Variants in ANXA9 observed in about 807,000 individuals in gnomAD.
The protein encoded by ANXA9 is annexin A9, also known as annexin 31.
Under a neutral mutation model 51.8 loss-of-function variants are expected in ANXA9, and 47 were observed. That is an observed-to-expected ratio of 0.91 (90% CI 0.72 to 1.16). The LOEUF is 1.16. Among genes scored for constraint, ANXA9 ranks in the 50% most tolerant of loss-of-function variants. The probability of loss-of-function intolerance (pLI) is 0.00; values close to 1 mark genes in which losing one functional copy is unlikely to be tolerated. For synonymous variants in ANXA9, 154 were observed against 168.7 expected (o/e 0.91, Z 0.68); for missense variants, 361 against 424.7 (o/e 0.85, Z 1.32).
chr1:150,980,264 C>T (rs1671391666), upstream of ANXA9, among the ~76,000 whole-genome samples: 1 of 151,930 alleles, frequency 6.6e-6, no homozygotes, highest in East Asian at 1.9e-4. Context: ...GGCATGATGG[C>T]AGGCGCCTAT....
chr1:150,980,738 C>T (rs919448979), upstream of ANXA9, among the ~76,000 whole-genome samples: 2 of 151,726 alleles, frequency 1.3e-5, no homozygotes, highest in African/African-American at 4.8e-5. Flanking sequence ...CGCCGCCATG[C>T]CCGGCTAATT....
intron 12 of ANXA9, among the ~76,000 whole-genome samples, chr1:150,989,623 G>A (rs977604394): frequency 6.6e-6 from 1 of 151,984 alleles, no homozygotes; most frequent in Non-Finnish European, 1.5e-5. Flanking sequence ...CCTGGGAGGC[G>A]GAGGTTGTAG....
In ANXA9 at chr1:150,984,014, G is replaced by A. The variant is rs368497566; in HGVS notation, c.212G>A (p.Arg71Gln). Reference sequence around the variant, plus strand: ...GCCATTGTGGACGTGCTGACCAACCGGAGCAGAGAGCAAAGGCAGCTCATC... The same window carrying A: ...GCCATTGTGGACGTGCTGACCAACCAGAGCAGAGAGCAAAGGCAGCTCATC... ...RSAIVDVLTNRSREQRQLISR... is the reference protein window; with the variant it reads ...RSAIVDVLTNQSREQRQLISR... Residue 71 changes from arginine (R) to glutamine (Q), a missense_variant, in exon 5 of 14, where the codon CGG becomes CAG. By Grantham distance (43) the Arg-to-Gln change is conservative (BLOSUM62 1). Transcript: ENST00000368947. 4.7e-5 allele frequency: 75 copies of A among 1,612,290 alleles called. No homozygotes were observed. The highest frequency in any genetic ancestry group is 6.7e-5 in the African/African-American group (5 of 74,784).
chr1:150,987,460 G>A (rs1035566753), intron 9 of ANXA9, among the ~76,000 whole-genome samples: 2 of 151,634 alleles, frequency 1.3e-5, no homozygotes, highest in African/African-American at 4.9e-5. Context: ...GGTCGTGGTG[G>A]CTCACACCTA....
At chr1:150,986,280 G>T (rs914211525) in intron 7 of ANXA9, 56 bp from the exon 8 acceptor site, 1 of 1,532,438 alleles carries the variant, frequency 6.5e-7, no homozygotes, top group African/African-American at 1.4e-5. Flanking sequence ...AGGTCCTGGG[G>T]ATATCTACAC....
chr1:150,985,520 C>T (rs1671533351), intron 7 of ANXA9, among the ~76,000 whole-genome samples: 1 of 151,958 alleles, frequency 6.6e-6, no homozygotes, highest in Non-Finnish European at 1.5e-5. Flanking sequence ...TCCCCCCACC[C>T]CTACCTCTTT....
At chr1:150,992,328 T>C (rs1054626692) in intron 12 of ANXA9, among the ~76,000 whole-genome samples, 1 of 152,074 alleles carries the variant, frequency 6.6e-6, no homozygotes, top group African/African-American at 2.4e-5. Context: ...GGCAGGTGAA[T>C]CACCCGAGGT....
Position 150,984,001 on chromosome 1 carries a change from G to C in ANXA9, c.199G>C (p.Val67Leu). ...CGTGGACCGCAGTGCCATTGTGGAC[G>C]TGCTGACCAACCGGAGCAGAGAGCA... Reference protein sequence around the residue: ...QGVDRSAIVDVLTNRSREQRQ... With the variant: ...QGVDRSAIVDLLTNRSREQRQ... Residue 67 changes from valine to leucine, a missense_variant, in exon 5 of 14, where the codon GTG becomes CTG. By Grantham distance (32) the Val-to-Leu change is conservative. Coordinates refer to ENST00000368947, the MANE Select transcript of ANXA9 (RefSeq NM_003568.3). The C allele has an allele frequency of 6.2e-7, 1 of 1,612,792 alleles. No individual in the cohort carries two copies. The highest frequency in any genetic ancestry group is 8.5e-7 in the Non-Finnish European group (1 of 1,179,674).
chr1:150,985,285 A>T (rs1472385352), intron 7 of ANXA9, among the ~76,000 whole-genome samples: 1 of 152,072 alleles, frequency 6.6e-6, no homozygotes, highest in Non-Finnish European at 1.5e-5. Context: ...TTCCAAAGTG[A>T]CAGTCCCAAA....
At chr1:150,986,540 G>T in intron 8 of ANXA9, 62 bp from the exon 9 acceptor site, 1 of 1,592,960 alleles carries the variant, frequency 6.3e-7, no homozygotes, top group Non-Finnish European at 8.6e-7. Flanking sequence ...GCCTTCGCTT[G>T]TTGGTCTGAA....
chr1:150,993,656 C>T (rs184139000), intron 12 of ANXA9, among the ~76,000 whole-genome samples: 2,419 of 108,502 alleles, frequency 0.022, 75 homozygotes, highest in African/African-American at 0.073. Flanking sequence ...TTTTTTGAGA[C>T]GGAGTTTTGC....
intron 13 of ANXA9, 33 bp downstream of exon 13, chr1:150,994,732 C>G: frequency 6.2e-7 from 1 of 1,611,156 alleles, no homozygotes; most frequent in Middle Eastern, 1.7e-4. Flanking sequence ...CCTGGAGCCT[C>G]AGGCCTTCAC....
chr1:150,977,826 GA>G (rs1374419205), upstream of ANXA9, among the ~76,000 whole-genome samples: 2 of 152,216 alleles, frequency 1.3e-5, no homozygotes, highest in African/African-American at 4.8e-5. Context: ...TCAGGCAATG[GA>G]AAGTATTTGC....
upstream of ANXA9, among the ~76,000 whole-genome samples, chr1:150,981,790 C>T (rs1450947745): frequency 6.6e-6 from 1 of 152,234 alleles, no homozygotes; most frequent in African/African-American, 2.4e-5. Flanking sequence ...GGTCAGCTGG[C>T]TCTAGTAAGG....
At chr1:150,989,018 G>T (rs1671636161) in intron 12 of ANXA9, among the ~76,000 whole-genome samples, 1 of 151,072 alleles carries the variant, frequency 6.6e-6, no homozygotes, top group Non-Finnish European at 1.5e-5. Flanking sequence ...TGTTGCCCAG[G>T]CTGGAGGCTG....
intron 12 of ANXA9, 64 bp downstream of exon 12, chr1:150,988,405 T>TA: frequency 1.3e-6 from 2 of 1,584,564 alleles, no homozygotes; most frequent in Non-Finnish European, 8.7e-7. Flanking sequence ...AAGTCTCAGC[T>TA]TGCTGCTTAT....
At chr1:150,995,141 C>A (rs1033688310) in intron 13 of ANXA9, 119 bp from the exon 14 acceptor site, 2 of 1,017,150 alleles carry the variant, frequency 2.0e-6, no homozygotes, top group South Asian at 1.7e-5. Context: ...GGACTCTGAG[C>A]TCCCGGGAGG....
rs1479780110 is a variant in ANXA9, at chr1:150,987,940, T to G, written c.681T>G (p.Pro227=). The G allele has an allele frequency of 6.2e-7, 1 of 1,614,166 alleles. No individual in the cohort carries two copies. ...TWVPVFTQRN[P]EHLIRVFDQY... The stretch of plus-strand genomic sequence containing the variant: ...TCCCAGTCTTCACCCAGCGAAATCC[T>G]GAACACCTCATCCGAGGTACACACA... The change falls in exon 10 of 14, where the codon CCT becomes CCG. Residue 227 remains proline (P), a synonymous_variant. Transcript: ENST00000368947.
At chr1:150,991,370 G>A (rs947726710) in intron 12 of ANXA9, among the ~76,000 whole-genome samples, 1 of 150,716 alleles carries the variant, frequency 6.6e-6, no homozygotes, top group Non-Finnish European at 1.5e-5. Context: ...CCGAGTAGCT[G>A]GGATTACAGG....
Sources: allele counts gnomAD v4.1 joint callset (sites outside exome capture counted in the v4.1 genomes callset), GRCh38; gene constraint gnomAD v4.1.1; transcripts MANE v1.5; gene names NCBI Gene and HGNC (gene_info 2026-07-23, HGNC 2026-07-21).